C8orf34: variants seen among roughly 807,000 people sequenced by gnomAD.
C8orf34 encodes chromosome 8 open reading frame 34, also known as uncharacterized protein C8orf34.
In C8orf34, 65 loss-of-function variants were observed where a neutral mutation model predicts 68.3. The observed-to-expected ratio is 0.95, with a 90% CI of 0.78 to 1.17. The LOEUF is 1.17. C8orf34 is among the 50% of genes most tolerant of loss of function. The pLI is 0.00. For missense variants in C8orf34, 664 were observed against 655.4 expected (o/e 1.01, Z -0.14); for synonymous variants, 244 against 241.2 (o/e 1.01, Z -0.11).
chr8:68,754,860 A>C (rs991257608), intron 10 of C8orf34, among the ~76,000 whole-genome samples: 1 of 152,222 alleles, frequency 6.6e-6, no homozygotes, highest in African/African-American at 2.4e-5. Context: ...TGTACTATAT[A>C]TATCTATTAA....
intron 5 of C8orf34, among the ~76,000 whole-genome samples, chr8:68,492,586 T>G (rs1813361464): frequency 6.6e-6 from 1 of 152,158 alleles, no homozygotes. Flanking sequence ...CTATCTCTTA[T>G]GCTTGATTTC....
intron 12 of C8orf34, chr8:68,792,601 A>T (rs13250879): frequency 1.4e-5 from 2 of 144,490 alleles, no homozygotes; most frequent in Non-Finnish European, 3.0e-5. Context: ...AAAAAAAAAA[A>T]GATATTTAAA....
upstream of C8orf34, chr8:68,330,779 A>G (rs73254829): frequency 2.7e-3 from 1,180 of 435,458 alleles, 12 homozygotes; most frequent in African/African-American, 0.023. Flanking sequence ...AGGTACACAC[A>G]GTCGCGCGCG....
intron 5 of C8orf34, among the ~76,000 whole-genome samples, chr8:68,511,657 TACTG>T (rs755677144): frequency 1.2e-4 from 18 of 152,160 alleles, no homozygotes; most frequent in Non-Finnish European, 2.1e-4. Context: ...GGGCTGAACA[TACTG>T]ACATGCTGAT....
At chr8:68,758,711 G>A (rs1163398910) in intron 10 of C8orf34, among the ~76,000 whole-genome samples, 2 of 151,982 alleles carry the variant, frequency 1.3e-5, no homozygotes, top group African/African-American at 4.8e-5. Flanking sequence ...TACATCTCAA[G>A]CAGAGATGAT....
At chr8:68,684,306 G>A (rs549203516) in intron 8 of C8orf34, among the ~76,000 whole-genome samples, 2 of 152,106 alleles carry the variant, frequency 1.3e-5, no homozygotes, top group East Asian at 1.9e-4. Flanking sequence ...GGAAGAAAAC[G>A]AGACAGGACC....
At chr8:68,687,324 G>T (rs985492692) in intron 8 of C8orf34, among the ~76,000 whole-genome samples, 7 of 151,822 alleles carry the variant, frequency 4.6e-5, no homozygotes, top group Non-Finnish European at 1.0e-4. Flanking sequence ...AAGCAAAAAG[G>T]ACAAATTTGG....
rs549378753 is a variant in C8orf34, at chr8:68,653,068, A to G, written c.1241+12557A>G. ...AGATCTTTATTTCTGACAAAATACA[A>G]TTATTTATTTGTTTTCAAGTCAAGA... On this transcript the variant is annotated intron_variant, in intron 8 of 13. Coordinates refer to ENST00000518698, the MANE Select transcript of C8orf34 (RefSeq NM_052958.4). Among the ~76,000 whole-genome samples the G allele has an allele frequency of 5.4e-4, 82 of 152,300 alleles. 1 individual carries two copies. The South Asian group carries it at 0.015, about 28-fold the overall frequency.
intron 9 of C8orf34, among the ~76,000 whole-genome samples, chr8:68,718,895 T>C (rs905036903): frequency 2.0e-5 from 3 of 152,190 alleles, no homozygotes; most frequent in African/African-American, 7.2e-5. Flanking sequence ...TTCAGTTTCT[T>C]CTTCTCTAAA....
rs112318503 is a variant in C8orf34 at position 68,676,967 on chromosome 8, C to T, written c.1242-32027C>T. Among the ~76,000 whole-genome samples the T allele has an allele frequency of 1.8e-3, 276 of 152,206 alleles. 1 individual carries two copies. Among genetic ancestry groups the T allele is most frequent in the African/African-American group, 6.0e-3 (249 of 41,534 alleles). ...CCCATTCACTATCATGAGAAGAGCA[C>T]GGGAAAGACCCACCCCCATGATTCA... On this transcript the variant is annotated intron_variant, in intron 8 of 13. Coordinates refer to ENST00000518698, the MANE Select transcript of C8orf34 (RefSeq NM_052958.4).
chr8:68,766,658 G>A (rs1429112825), intron 10 of C8orf34, among the ~76,000 whole-genome samples: 2 of 152,122 alleles, frequency 1.3e-5, no homozygotes. Flanking sequence ...CACATATCTT[G>A]GAGATATAGC....
At chr8:68,608,507 C>T (rs927985092) in intron 7 of C8orf34, among the ~76,000 whole-genome samples, 2 of 151,334 alleles carry the variant, frequency 1.3e-5, no homozygotes, top group African/African-American at 2.4e-5. Flanking sequence ...TGAGCAAAGG[C>T]ATAATGCTAA....
intron 5 of C8orf34, among the ~76,000 whole-genome samples, chr8:68,496,802 C>T (rs1813543817): frequency 6.6e-6 from 1 of 152,168 alleles, no homozygotes; most frequent in Non-Finnish European, 1.5e-5. Context: ...ACAAGCAGAG[C>T]ATACTGAAAT....
At chr8:68,368,879 AT>A (rs893810774) in intron 1 of C8orf34, among the ~76,000 whole-genome samples, 4 of 152,146 alleles carry the variant, frequency 2.6e-5, no homozygotes, top group African/African-American at 4.8e-5. Flanking sequence ...TTGGTTTAAG[AT>A]TTTTTTCCCT....
chr8:68,405,378 A>G (rs901308823), intron 1 of C8orf34, among the ~76,000 whole-genome samples: 11 of 152,154 alleles, frequency 7.2e-5, no homozygotes, highest in Admixed American at 5.2e-4. Context: ...AAATATTGTT[A>G]TATCTGTTAC....
intron 1 of C8orf34, among the ~76,000 whole-genome samples, chr8:68,369,134 A>G (rs1300710759): frequency 2.6e-5 from 4 of 152,202 alleles, no homozygotes; most frequent in African/African-American, 9.7e-5. Flanking sequence ...AAATATTTTT[A>G]TCCTTTATGC....
At chr8:68,608,510 A>G (rs1256820979) in intron 7 of C8orf34, among the ~76,000 whole-genome samples, 1 of 151,662 alleles carries the variant, frequency 6.6e-6, no homozygotes, top group African/African-American at 2.4e-5. Context: ...GCAAAGGCAT[A>G]ATGCTAAGGA....
intron 9 of C8orf34, among the ~76,000 whole-genome samples, chr8:68,711,582 A>T (rs1821329765): frequency 6.6e-6 from 1 of 152,192 alleles, no homozygotes; most frequent in East Asian, 1.9e-4. Context: ...GAGCTCAAAG[A>T]CAAGGCTTTT....
intron 4 of C8orf34, among the ~76,000 whole-genome samples, chr8:68,477,400 C>T (rs938148575): frequency 5.9e-5 from 9 of 152,322 alleles, no homozygotes; most frequent in African/African-American, 2.2e-4. Flanking sequence ...GAGCCTGAAA[C>T]AAAGCAGAGA....
Sources: allele counts gnomAD v4.1 joint callset (sites outside exome capture counted in the v4.1 genomes callset), GRCh38; gene constraint gnomAD v4.1.1; transcripts MANE v1.5; gene names NCBI Gene and HGNC (gene_info 2026-07-23, HGNC 2026-07-21).